Variants in CAB39L observed in about 807,000 individuals in gnomAD.
The protein encoded by CAB39L is calcium-binding protein 39-like.
Under a neutral mutation model 39.1 loss-of-function variants are expected in CAB39L, and 23 were observed. The ratio of observed to expected loss-of-function variants is 0.59; its 90% confidence interval spans 0.42 to 0.83. The LOEUF is 0.83. Ranked by LOEUF, CAB39L falls within the 40% of genes least tolerant of loss-of-function variation. The pLI, the probability that CAB39L is intolerant of heterozygous loss-of-function variation, is 0.00. For synonymous variants in CAB39L, 126 were observed against 137.2 expected, an observed-to-expected ratio of 0.92 and a Z score of 0.57; for missense variants, 366 against 391.9, an observed-to-expected ratio of 0.93 and a Z score of 0.56.
chr13:49,402,643 TTAAG>T (rs1446284617), intron 3 of CAB39L, among the ~76,000 whole-genome samples: 1 of 152,156 alleles, frequency 6.6e-6, no homozygotes, highest in Non-Finnish European at 1.5e-5. Context: ...GAATATAAGC[TTAAG>T]TAAGGTGAAA....
intron 6 of CAB39L, among the ~76,000 whole-genome samples, chr13:49,353,250 A>G (rs1052496525): frequency 2.0e-5 from 3 of 152,198 alleles, no homozygotes; most frequent in African/African-American, 7.2e-5. Context: ...CACAAGGAAC[A>G]GTTGTCAGGT....
chr13:49,418,539 T>C (rs893395429), intron 3 of CAB39L, among the ~76,000 whole-genome samples: 2 of 152,204 alleles, frequency 1.3e-5, no homozygotes, highest in Non-Finnish European at 2.9e-5. Flanking sequence ...TAGGATACAT[T>C]AATTCTATCT....
chr13:49,330,302 T>C (rs1954653601), intron 10 of CAB39L, among the ~76,000 whole-genome samples: 2 of 152,182 alleles, frequency 1.3e-5, no homozygotes, highest in Admixed American at 1.3e-4. Context: ...GTAACTTTCT[T>C]TTTACCAGAC....
chr13:49,377,879 C>T (rs1956125674), intron 4 of CAB39L, among the ~76,000 whole-genome samples: 1 of 85,248 alleles, frequency 1.2e-5, no homozygotes, highest in African/African-American at 6.8e-5. Flanking sequence ...AGCGTCTCCG[C>T]CCGGCCGCCA....
intron 3 of CAB39L, among the ~76,000 whole-genome samples, chr13:49,386,415 G>A (rs1461041017): frequency 1.3e-5 from 2 of 152,026 alleles, no homozygotes; most frequent in African/African-American, 4.8e-5. Context: ...TAGGGATAGA[G>A]CCACAAACAA....
chr13:49,368,389 G>A (rs1955827977), intron 5 of CAB39L, among the ~76,000 whole-genome samples: 1 of 152,192 alleles, frequency 6.6e-6, no homozygotes, highest in Admixed American at 6.5e-5. Context: ...GTACAAGCTG[G>A]TGAATAATGA....
At chr13:49,343,585 AAG>A (rs1955062861) in intron 8 of CAB39L, among the ~76,000 whole-genome samples, 1 of 149,818 alleles carries the variant, frequency 6.7e-6, no homozygotes, top group African/African-American at 2.5e-5. Context: ...AGAGAGAAGA[AAG>A]AGAGAAGGGG....
At chr13:49,434,024 C>T (rs1262777225) in intron 2 of CAB39L, 62 bp downstream of exon 2, 3 of 348,744 alleles carry the variant, frequency 8.6e-6, no homozygotes, top group African/African-American at 6.5e-5. Flanking sequence ...TAAAATCTAT[C>T]TCCATCACAA....
chr13:49,431,193 GC>G (rs1302066681), intron 3 of CAB39L, among the ~76,000 whole-genome samples: 1 of 152,048 alleles, frequency 6.6e-6, no homozygotes, highest in Non-Finnish European at 1.5e-5. Flanking sequence ...CATTTGATAT[GC>G]TTCCATTGCA....
chr13:49,339,390 C>T (rs1473931203), intron 9 of CAB39L, among the ~76,000 whole-genome samples: 1 of 152,160 alleles, frequency 6.6e-6, no homozygotes, highest in Non-Finnish European at 1.5e-5. Flanking sequence ...TTCGGCCTCC[C>T]AAAGTGCTGG....
chr13:49,438,526 C>A lies in CAB39L; in HGVS notation c.-245-4303G>T, dbSNP rs148926512. On this transcript the variant is annotated intron_variant, in intron 1 of 10. Coordinates refer to ENST00000409308, the MANE Select transcript of CAB39L (RefSeq NM_001079670.3). Reference sequence around the variant, plus strand: ...TATAGCCATTTTCCTTGAATTATTTCATGTTTATAAATGTTTGTCAATGCC... The same window carrying A: ...TATAGCCATTTTCCTTGAATTATTTAATGTTTATAAATGTTTGTCAATGCC... Among the ~76,000 whole-genome samples, 171 of 152,224 alleles carry A rather than the reference C, an allele frequency of 1.1e-3. 1 individual carries two copies. The highest frequency in any genetic ancestry group is 3.9e-3 in the African/African-American group (161 of 41,524).
intron 10 of CAB39L, among the ~76,000 whole-genome samples, chr13:49,330,637 A>G (rs1181208074): frequency 1.3e-5 from 2 of 151,548 alleles, no homozygotes; most frequent in African/African-American, 2.4e-5. Context: ...AATTTAAAAA[A>G]TAAATAAAAT....
chr13:49,327,191 T>G (rs1555673), intron 10 of CAB39L, among the ~76,000 whole-genome samples: 1 of 151,890 alleles, frequency 6.6e-6, no homozygotes, highest in Non-Finnish European at 1.5e-5. Flanking sequence ...ATTACAGATA[T>G]AGTTGAAGGC....
At chr13:49,330,673 A>T (rs941671153) in intron 10 of CAB39L, among the ~76,000 whole-genome samples, 1 of 149,788 alleles carries the variant, frequency 6.7e-6, no homozygotes, top group East Asian at 1.9e-4. Flanking sequence ...AAAAATATTT[A>T]TTTTTTTATT....
intron 3 of CAB39L, among the ~76,000 whole-genome samples, chr13:49,401,753 C>A (rs1214710445): frequency 6.6e-6 from 1 of 152,048 alleles, no homozygotes; most frequent in Non-Finnish European, 1.5e-5. Flanking sequence ...ACTGGCTGGA[C>A]CACCTTGTTT....
chr13:49,342,128 C>T (rs1325322949), intron 8 of CAB39L, among the ~76,000 whole-genome samples: 1 of 152,096 alleles, frequency 6.6e-6, no homozygotes, highest in African/African-American at 2.4e-5. Context: ...TAGGCCACAC[C>T]TTCCCAGTAT....
chr13:49,364,082 A>G (rs1232086191), intron 5 of CAB39L, among the ~76,000 whole-genome samples: 2 of 152,206 alleles, frequency 1.3e-5, no homozygotes, highest in Non-Finnish European at 1.5e-5. Context: ...AAAGAAAGTC[A>G]TTATATAATA....
intron 10 of CAB39L, among the ~76,000 whole-genome samples, chr13:49,321,649 T>C (rs1182880216): frequency 6.6e-6 from 1 of 152,206 alleles, no homozygotes; most frequent in African/African-American, 2.4e-5. Context: ...ACCGACTATT[T>C]CGTTCAAATG....
intron 6 of CAB39L, among the ~76,000 whole-genome samples, chr13:49,356,219 C>T (rs1955478958): frequency 6.6e-6 from 1 of 152,126 alleles, no homozygotes; most frequent in South Asian, 2.1e-4. Flanking sequence ...ATATGAACTA[C>T]ATAGCACCAT....
Sources: gnomAD v4.1 joint callset for allele counts (sites outside exome capture counted in the v4.1 genomes callset) on GRCh38, gnomAD v4.1.1 for gene constraint, MANE v1.5 for transcripts, NCBI Gene and HGNC (gene_info 2026-07-23, HGNC 2026-07-21) for gene names.